The following WDR26 variants were observed in gnomAD, a reference collection of about 807,000 sequenced individuals.
The protein encoded by WDR26 is WD repeat domain 26.
In WDR26, 5 loss-of-function variants were observed where a neutral mutation model predicts 84.1. The ratio of observed to expected loss-of-function variants is 0.06; its 90% CI spans 0.03 to 0.13. WDR26 has a LOEUF of 0.13. WDR26 is among the 10% of genes least tolerant of loss of function. WDR26 has a pLI of 1.00. For missense variants in WDR26, 642 were observed against 974.9 expected (o/e 0.66, Z 4.55); for synonymous variants, 415 against 389.6 (o/e 1.07, Z -0.77).
At chr1:224,392,317 C>T (rs773737519) in intron 13 of WDR26, among the ~76,000 whole-genome samples, 9 of 150,918 alleles carry the variant, frequency 6.0e-5, no homozygotes, top group Non-Finnish European at 1.0e-4. Flanking sequence ...GCCGAGATCG[C>T]ACCACTGTAC....
chr1:224,432,800 G>T (rs1324269869), intron 1 of WDR26, among the ~76,000 whole-genome samples: 1 of 152,012 alleles, frequency 6.6e-6, no homozygotes, highest in Non-Finnish European at 1.5e-5. Flanking sequence ...TTCTGACTCC[G>T]TCTCTTGCAC....
Position 224,393,913 on chromosome 1 carries a change from A to C in WDR26, c.2175T>G (p.Ile725Met). Residue 725 changes from isoleucine (I) to methionine (M), a missense_variant, in exon 13 of 14, where the codon ATT (isoleucine) becomes ATG (methionine). Around this residue, in one of 2 missense-constraint regions of WDR26, gnomAD observed 351 missense variants for 672.8 expected, o/e 0.52. Transcript: ENST00000414423. ...CTGAGGCGCTGGCCATCATGGATGGAATCTGTGGGTTCCAGCTCACACAGT... is the reference window on the plus strand; with the variant it reads ...CTGAGGCGCTGGCCATCATGGATGGCATCTGTGGGTTCCAGCTCACACAGT... 1 of 1,594,334 alleles carries C rather than the reference A, an allele frequency of 6.3e-7. No individual in the cohort carries two copies. The highest frequency in any genetic ancestry group is 8.6e-7 in the Non-Finnish European group (1 of 1,164,402).
At chr1:224,404,387 T>TATGCTGTACTTA in intron 8 of WDR26, 43 bp downstream of exon 8, 1 of 1,601,022 alleles carries the variant, frequency 6.2e-7, no homozygotes, top group Non-Finnish European at 8.5e-7. Flanking sequence ...ACATTATGAC[T>TATGCTGTACTTA]ATGCTGTACT....
At chr1:224,410,679 T>C (rs560065602) in intron 7 of WDR26, among the ~76,000 whole-genome samples, 1 of 151,130 alleles carries the variant, frequency 6.6e-6, no homozygotes, top group Non-Finnish European at 1.5e-5. Flanking sequence ...ATGGACATTG[T>C]ATTAATCTTT....
intron 7 of WDR26, among the ~76,000 whole-genome samples, chr1:224,406,751 G>C (rs1449126152): frequency 6.6e-6 from 1 of 151,612 alleles, no homozygotes; most frequent in African/African-American, 2.4e-5. Context: ...GATCTTCCAG[G>C]AACAAATTTT....
intron 7 of WDR26, among the ~76,000 whole-genome samples, chr1:224,408,205 G>C (rs865784110): frequency 2.6e-5 from 4 of 152,138 alleles, no homozygotes; most frequent in Non-Finnish European, 5.9e-5. Context: ...GCCATGTTAC[G>C]TTTTCTTTTG....
chr1:224,403,601 T>C (rs1046781605), intron 8 of WDR26, among the ~76,000 whole-genome samples: 4 of 152,204 alleles, frequency 2.6e-5, no homozygotes, highest in Non-Finnish European at 4.4e-5. Flanking sequence ...ATGCCGACTT[T>C]TCCTAAAATG....
In WDR26 at chr1:224,418,494, G is replaced by C. The variant is rs532451573; in HGVS notation, c.1163-78C>G. 5 of 1,369,540 alleles carry C rather than the reference G, an allele frequency of 3.7e-6. No homozygotes were observed. The East Asian group carries it at 1.3e-4, about 35-fold the overall frequency. The allele number at this position is 1,369,540 out of a possible 1,614,324, so 84.8% of individuals were successfully genotyped here. A position where few individuals can be genotyped will look rare whatever the true frequency, so the allele number is the denominator to read the frequency against. On this transcript the variant is annotated intron_variant, in intron 5 of 13. Transcript: ENST00000414423. ...TATTTAAGACATTTGCTCATCTTCT[G>C]CTGTACTTGTTCCTACCCCAATAGT... is the stretch of plus-strand genomic sequence containing the variant.
At chr1:224,408,593 T>C (rs954634372) in intron 7 of WDR26, among the ~76,000 whole-genome samples, 3 of 152,044 alleles carry the variant, frequency 2.0e-5, no homozygotes, top group Non-Finnish European at 4.4e-5. Context: ...CAAACTCTTT[T>C]TCTAGTCTAA....
chr1:224,394,059 AACTAACTG>A, intron 12 of WDR26, 46 bp from the exon 13 acceptor site: 1 of 1,358,354 alleles, frequency 7.4e-7, no homozygotes, highest in East Asian at 2.4e-5. Flanking sequence ...TAATAAAACC[AACTAACTG>A]ATCTTAAATT....
intron 7 of WDR26, among the ~76,000 whole-genome samples, chr1:224,405,950 A>G (rs1673538119): frequency 1.3e-5 from 2 of 152,366 alleles, no homozygotes; most frequent in South Asian, 4.1e-4. Flanking sequence ...AAGACACAGG[A>G]TAAGGCAACC....
Position 224,393,981 on chromosome 1 carries a change from C to A in WDR26, c.2107G>T (p.Glu703Ter). ...CCTGTCAGCTCCGCAATTGGCAGTTCACTACGTTTGTGCCAGATGTAAACC... is the reference window on the plus strand; with the variant it reads ...CCTGTCAGCTCCGCAATTGGCAGTTAACTACGTTTGTGCCAGATGTAAACC... Residue 703 changes from glutamate (E) to a stop codon, truncating the protein, a stop_gained, in exon 13 of 14, where the codon GAA (glutamate) becomes TAA (stop). Coordinates refer to ENST00000414423, the MANE Select transcript of WDR26 (RefSeq NM_001379403.1). LOFTEE classifies it high-confidence loss of function. 1 of 1,535,056 alleles carries A rather than the reference C, an allele frequency of 6.5e-7. No homozygotes were observed. The highest frequency in any genetic ancestry group is 8.9e-7 in the Non-Finnish European group (1 of 1,121,446).
chr1:224,411,628 G>A, intron 6 of WDR26, 63 bp from the exon 7 acceptor site: 6 of 1,454,142 alleles, frequency 4.1e-6, no homozygotes, highest in African/African-American at 1.5e-5. Flanking sequence ...TAATAAAAAA[G>A]GTTAAATAAC....
At chr1:224,393,487 T>C (rs1172686471) in intron 13 of WDR26, among the ~76,000 whole-genome samples, 2 of 152,222 alleles carry the variant, frequency 1.3e-5, no homozygotes, top group Non-Finnish European at 2.9e-5. Flanking sequence ...GTTAGTTTCA[T>C]GTGTATAAAA....
chr1:224,410,454 C>T (rs1673705230), intron 7 of WDR26, among the ~76,000 whole-genome samples: 1 of 151,976 alleles, frequency 6.6e-6, no homozygotes, highest in Admixed American at 6.6e-5. Flanking sequence ...TTACCCACAA[C>T]AAATCCATAG....
At chr1:224,394,578 G>A (rs1673209084) in intron 12 of WDR26, among the ~76,000 whole-genome samples, 1 of 147,242 alleles carries the variant, frequency 6.8e-6, no homozygotes. Context: ...TATCTCGGCT[G>A]ACTGCAACCT....
chr1:224,413,969 C>T (rs1673815969), intron 6 of WDR26, among the ~76,000 whole-genome samples: 1 of 151,856 alleles, frequency 6.6e-6, no homozygotes, highest in African/African-American at 2.4e-5. Context: ...ACCACTACAC[C>T]TGGCTGATTT....
At chr1:224,411,703 TC>T in intron 6 of WDR26, 138 bp from the exon 7 acceptor site, 3 of 907,432 alleles carry the variant, frequency 3.3e-6, no homozygotes, top group Non-Finnish European at 1.6e-6. Context: ...CATTTGTAAA[TC>T]TTTTTTTTTT....
At chr1:224,391,612 A>C (rs974951333) in intron 13 of WDR26, among the ~76,000 whole-genome samples, 2 of 152,062 alleles carry the variant, frequency 1.3e-5, no homozygotes, top group Non-Finnish European at 2.9e-5. Flanking sequence ...CTGAAGCCTC[A>C]AACTCCTGGA....
Sources: allele counts gnomAD v4.1 joint callset (sites outside exome capture counted in the v4.1 genomes callset), GRCh38; gene constraint gnomAD v4.1.1; regional missense constraint gnomAD v4.1.1; transcripts MANE v1.5; gene names NCBI Gene and HGNC (gene_info 2026-07-23, HGNC 2026-07-21).